The following ENTREP2 variants were observed in gnomAD, a reference collection of about 807,000 sequenced individuals.
ENTREP2 encodes protein ENTREP2.
At chr15:29,132,431 C>T in the ENTREP2 span, among the ~76,000 whole-genome samples, 1 of 152,224 alleles carries the variant, frequency 6.6e-6, no homozygotes, top group Non-Finnish European at 1.5e-5. Flanking sequence ...TCACCAGATG[C>T]TGCCCTGCTG....
chr15:29,434,335 T>C, the ENTREP2 span, among the ~76,000 whole-genome samples: 2 of 152,204 alleles, frequency 1.3e-5, no homozygotes, highest in African/African-American at 2.4e-5. Flanking sequence ...CCCTGGTGCA[T>C]AGGTCAACAT....
the ENTREP2 span, among the ~76,000 whole-genome samples, chr15:29,223,108 G>A: frequency 6.6e-6 from 1 of 152,214 alleles, no homozygotes; most frequent in African/African-American, 2.4e-5. Flanking sequence ...CAGGGCTGCT[G>A]CTGACTGGTC....
the ENTREP2 span, among the ~76,000 whole-genome samples, chr15:29,207,336 G>A: frequency 2.7e-5 from 4 of 150,260 alleles, no homozygotes; most frequent in Admixed American, 2.7e-4. Context: ...CCCAGCGAGT[G>A]TTACAGCTCT....
the ENTREP2 span, among the ~76,000 whole-genome samples, chr15:29,259,483 C>T: frequency 1.3e-5 from 2 of 152,304 alleles, no homozygotes; most frequent in Non-Finnish European, 2.9e-5. Flanking sequence ...TTCCAGCCGA[C>T]ACTTGAAGAC....
At chr15:29,330,421 C>G in the ENTREP2 span, among the ~76,000 whole-genome samples, 1 of 152,068 alleles carries the variant, frequency 6.6e-6, no homozygotes, top group Non-Finnish European at 1.5e-5. Context: ...TGCACTCCAG[C>G]CTGGGCGACA....
chr15:29,570,607 C>G, the ENTREP2 span: 1 of 1,453,598 alleles, frequency 6.9e-7, no homozygotes, highest in Non-Finnish European at 9.1e-7. Flanking sequence ...CGAGCGCCAT[C>G]TGCGTGGCCC....
the ENTREP2 span, among the ~76,000 whole-genome samples, chr15:29,463,343 C>T: frequency 1.3e-5 from 2 of 152,054 alleles, no homozygotes; most frequent in South Asian, 2.1e-4. Context: ...AAAGGTTCAG[C>T]GGCCCAGGGC....
At chr15:29,151,511 G>A in the ENTREP2 span, among the ~76,000 whole-genome samples, 5,438 of 152,248 alleles carry the variant, frequency 0.036, 281 homozygotes, top group African/African-American at 0.12. Context: ...ACACGACAGT[G>A]GCAGAACCCT....
At chr15:29,444,236 AAGAAAGAAAGAAAG>A in the ENTREP2 span, among the ~76,000 whole-genome samples, 54 of 139,730 alleles carry the variant, frequency 3.9e-4, 1 homozygote, top group African/African-American at 1.1e-3. Context: ...GAAAGAAAGA[AAGAAAGAAAGAAAG>A]AGAAAGAGAA....
the ENTREP2 span, among the ~76,000 whole-genome samples, chr15:29,533,621 G>C: frequency 6.6e-6 from 1 of 152,076 alleles, no homozygotes; most frequent in Non-Finnish European, 1.5e-5. Flanking sequence ...GATCACCATT[G>C]AGCTCCCTGC....
the ENTREP2 span, among the ~76,000 whole-genome samples, chr15:29,552,887 G>A: frequency 3.9e-5 from 6 of 152,222 alleles, no homozygotes; most frequent in African/African-American, 7.2e-5. Flanking sequence ...TGAAAAGAAC[G>A]GCACATCTGA....
At chr15:29,356,750 G>T in the ENTREP2 span, among the ~76,000 whole-genome samples, 1 of 152,110 alleles carries the variant, frequency 6.6e-6, no homozygotes, top group East Asian at 1.9e-4. Flanking sequence ...ACAAATGGAG[G>T]GATATAGTAT....
chr15:29,136,427 A>G, the ENTREP2 span: 3 of 1,542,352 alleles, frequency 1.9e-6, no homozygotes, highest in East Asian at 5.0e-5. Flanking sequence ...AGCAGGATAG[A>G]GCAGGCCGGG....
At chr15:29,388,504 T>C in the ENTREP2 span, among the ~76,000 whole-genome samples, 4 of 152,278 alleles carry the variant, frequency 2.6e-5, no homozygotes, top group African/African-American at 9.6e-5. Context: ...TAGGAACACT[T>C]TTACACTGTT....
the ENTREP2 span, among the ~76,000 whole-genome samples, chr15:29,312,399 G>C: frequency 6.6e-6 from 1 of 151,882 alleles, no homozygotes; most frequent in African/African-American, 2.4e-5. Context: ...GGCATACCTT[G>C]TTTTATTGTT....
the ENTREP2 span, among the ~76,000 whole-genome samples, chr15:29,642,067 C>A: frequency 1.3e-5 from 2 of 151,986 alleles, no homozygotes. Flanking sequence ...CCAAATTGAT[C>A]TACAAAATTA....
chr15:29,588,156 A>G, the ENTREP2 span, among the ~76,000 whole-genome samples: 6 of 152,290 alleles, frequency 3.9e-5, no homozygotes, highest in Admixed American at 2.0e-4. Flanking sequence ...ATATCCTGCA[A>G]TGGGGATCAA....
At chr15:29,188,326 T>C in the ENTREP2 span, among the ~76,000 whole-genome samples, 1 of 152,132 alleles carries the variant, frequency 6.6e-6, no homozygotes, top group African/African-American at 2.4e-5. Flanking sequence ...ACATGTGCCA[T>C]GGTGGTTTGC....
chr15:29,231,026 C>A, the ENTREP2 span, among the ~76,000 whole-genome samples: 5 of 152,046 alleles, frequency 3.3e-5, no homozygotes, highest in Admixed American at 1.3e-4. Context: ...TGGTGGTGGG[C>A]AGTCTCTATT....
Sources: gnomAD v4.1 joint callset for allele counts (sites outside exome capture counted in the v4.1 genomes callset) on GRCh38, gnomAD v4.1.1 for gene constraint, MANE v1.5 for transcripts, NCBI Gene and HGNC (gene_info 2026-07-23, HGNC 2026-07-21) for gene names.